Variants in SLC2A13 observed in about 807,000 individuals in gnomAD.
The protein encoded by SLC2A13 is solute carrier family 2 member 13.
A neutral mutation model predicts 64.4 loss-of-function variants in SLC2A13; 32 were observed. The ratio of observed to expected loss-of-function variants is 0.50; its 90% CI spans 0.37 to 0.67. The LOEUF is 0.67. SLC2A13 is among the 30% of genes least tolerant of loss of function. The pLI, the probability that SLC2A13 is intolerant of heterozygous loss-of-function variation, is 0.00. For synonymous variants in SLC2A13, 338 were observed against 327.1 expected (o/e 1.03, Z -0.36); for missense variants, 743 against 829.2 (o/e 0.90, Z 1.28).
At chr12:39,771,758 C>G (rs1202982717) in intron 7 of SLC2A13, among the ~76,000 whole-genome samples, 1 of 152,178 alleles carries the variant, frequency 6.6e-6, no homozygotes, top group Non-Finnish European at 1.5e-5. Context: ...CTGACCACCT[C>G]ACTGCTCAAA....
chr12:40,088,946 T>C (rs941290296), intron 1 of SLC2A13, among the ~76,000 whole-genome samples: 1 of 152,244 alleles, frequency 6.6e-6, no homozygotes, highest in Non-Finnish European at 1.5e-5. Context: ...TCTGTGAATA[T>C]CTGATCTCAC....
At chr12:39,878,279 C>T (rs1227523547) in intron 4 of SLC2A13, among the ~76,000 whole-genome samples, 3 of 152,158 alleles carry the variant, frequency 2.0e-5, no homozygotes, top group Non-Finnish European at 4.4e-5. Context: ...GTGACGTTGG[C>T]ACTGTGTAAT....
At chr12:39,890,073 G>C (rs61931259) in intron 4 of SLC2A13, among the ~76,000 whole-genome samples, 116,844 of 151,996 alleles carry the variant, frequency 0.77, 45,014 homozygotes, top group South Asian at 0.85. Context: ...TGTAAAATAA[G>C]CCAGTCACCA....
chr12:39,763,421 T>C (rs1940235981), intron 9 of SLC2A13, among the ~76,000 whole-genome samples: 1 of 152,254 alleles, frequency 6.6e-6, no homozygotes, highest in East Asian at 1.9e-4. Context: ...CTGCAAAATT[T>C]ATCCATGTAT....
rs560917145 is a variant in SLC2A13 at position 40,021,791 on chromosome 12, ATTTTC to A, written c.925+6505_925+6509del. On this transcript the variant is annotated intron_variant, in intron 3 of 9. Transcript: ENST00000280871. ...ACCAAATATATTAGAGAGAATGACTATTTTCCTCTAAGTGCAGCAGATGTCAATTG... is the reference window on the plus strand; with the variant it reads ...ACCAAATATATTAGAGAGAATGACTACTCTAAGTGCAGCAGATGTCAATTG... Among the ~76,000 whole-genome samples the A allele has an allele frequency of 5.3e-5, 8 of 152,282 alleles. No individual in the cohort carries two copies. In the East Asian group the frequency reaches 1.5e-3, roughly 29 times the overall value.
intron 6 of SLC2A13, among the ~76,000 whole-genome samples, chr12:39,863,994 G>T (rs1004085706): frequency 2.6e-5 from 4 of 152,162 alleles, no homozygotes; most frequent in Admixed American, 6.5e-5. Flanking sequence ...GTTAAGGCTA[G>T]GTCTTATTCT....
At chr12:39,991,702 C>T (rs1300652953) in intron 3 of SLC2A13, among the ~76,000 whole-genome samples, 4 of 152,166 alleles carry the variant, frequency 2.6e-5, no homozygotes, top group Non-Finnish European at 5.9e-5. Flanking sequence ...ATATGTCCCA[C>T]TCACCATCCT....
intron 3 of SLC2A13, among the ~76,000 whole-genome samples, chr12:39,981,242 C>T (rs1406118487): frequency 1.3e-5 from 2 of 150,078 alleles, no homozygotes; most frequent in Non-Finnish European, 3.0e-5. Context: ...AAAATTGACA[C>T]CCTAACATCA....
chr12:39,969,972 T>C (rs1041314131), intron 3 of SLC2A13, among the ~76,000 whole-genome samples: 6 of 152,234 alleles, frequency 3.9e-5, no homozygotes, highest in African/African-American at 1.4e-4. Context: ...GAATTAATTT[T>C]TGTATAAGAT....
At chr12:39,783,022 C>T (rs1191983427) in intron 7 of SLC2A13, among the ~76,000 whole-genome samples, 2 of 152,062 alleles carry the variant, frequency 1.3e-5, no homozygotes, top group African/African-American at 2.4e-5. Flanking sequence ...CCTCCCCGCT[C>T]CCCCCACCCC....
chr12:40,093,569 G>A (rs891416723), intron 1 of SLC2A13, among the ~76,000 whole-genome samples: 1 of 152,186 alleles, frequency 6.6e-6, no homozygotes, highest in South Asian at 2.1e-4. Flanking sequence ...AATAAAGCAG[G>A]GAAAACTGGT....
intron 1 of SLC2A13, among the ~76,000 whole-genome samples, chr12:40,098,510 AT>A (rs1939039959): frequency 1.3e-5 from 2 of 152,260 alleles, no homozygotes; most frequent in Admixed American, 6.5e-5. Context: ...CAATAAAAAA[AT>A]AAATCTATAC....
Position 40,026,492 on chromosome 12 carries a change from G to T in SLC2A13, c.925+1809C>A, listed in dbSNP as rs4767959. Among the ~76,000 whole-genome samples, 2 of 152,036 alleles carry T rather than the reference G, an allele frequency of 1.3e-5. 1 individual carries two copies. Among genetic ancestry groups the T allele is most frequent in the Admixed American group, 1.3e-4 (2 of 15,262 alleles). Reference sequence around the variant, plus strand: ...AAAAATTCATTTGGTTATATATTCCGAATAATGTCTAAAACTCAAATAGGA... The same window carrying T: ...AAAAATTCATTTGGTTATATATTCCTAATAATGTCTAAAACTCAAATAGGA... On this transcript the variant is annotated intron_variant, in intron 3 of 9. Coordinates refer to ENST00000280871, the MANE Select transcript of SLC2A13 (RefSeq NM_052885.4).
intron 3 of SLC2A13, among the ~76,000 whole-genome samples, chr12:40,023,518 A>C (rs1423418501): frequency 3.9e-5 from 6 of 152,196 alleles, no homozygotes; most frequent in African/African-American, 1.4e-4. Flanking sequence ...AGCACATGAA[A>C]ACACACCTCT....
intron 4 of SLC2A13, among the ~76,000 whole-genome samples, chr12:39,889,068 AT>A (rs1404900072): frequency 6.6e-6 from 1 of 152,132 alleles, no homozygotes; most frequent in Non-Finnish European, 1.5e-5. Flanking sequence ...TTTTAGATAT[AT>A]TTACAAACAT....
At chr12:40,035,417 T>C (rs945603531) in intron 2 of SLC2A13, among the ~76,000 whole-genome samples, 6 of 152,202 alleles carry the variant, frequency 3.9e-5, no homozygotes, top group Non-Finnish European at 7.4e-5. Flanking sequence ...CACAAGTCTA[T>C]TTTAGCAGAA....
At chr12:39,797,094 A>G (rs1387869923) in intron 7 of SLC2A13, among the ~76,000 whole-genome samples, 1 of 152,216 alleles carries the variant, frequency 6.6e-6, no homozygotes, top group African/African-American at 2.4e-5. Flanking sequence ...AATGGAAACT[A>G]TTCAACAGTA....
rs1240707418 is a variant in SLC2A13 at position 39,895,535 on chromosome 12, TATATATATATATATATACAC to T, written c.1035-23594_1035-23575del. On this transcript the variant is annotated intron_variant, in intron 4 of 9. Coordinates refer to ENST00000280871, the MANE Select transcript of SLC2A13 (RefSeq NM_052885.4). Reference sequence around the variant, plus strand: ...AAAATTATATATATATATATATATATATATATATATATATATACACACACACACACACGTGTATATGTATA... The same window carrying T: ...AAAATTATATATATATATATATATATACACACACACACGTGTATATGTATA... 3.1e-5 allele frequency among the ~76,000 whole-genome samples: 4 copies of T among 128,076 alleles called. 1 individual carries two copies. Among genetic ancestry groups the T allele is most frequent in the Admixed American group, 8.5e-5 (1 of 11,808 alleles). 84.0% of individuals were successfully genotyped at this position (128,076 alleles called of 152,430 possible). A position where few individuals can be genotyped will look rare whatever the true frequency, so the allele number is the denominator to read the frequency against.
intron 3 of SLC2A13, among the ~76,000 whole-genome samples, chr12:40,016,353 T>TA (rs560249690): frequency 6.6e-6 from 1 of 152,188 alleles, no homozygotes; most frequent in African/African-American, 2.4e-5. Flanking sequence ...TTTCAGAAAG[T>TA]AAAATTAAAA....
Sources: allele counts gnomAD v4.1 joint callset (sites outside exome capture counted in the v4.1 genomes callset), GRCh38; gene constraint gnomAD v4.1.1; transcripts MANE v1.5; gene names NCBI Gene and HGNC (gene_info 2026-07-23, HGNC 2026-07-21).